The following GPAT3 variants were observed in gnomAD, a reference collection of about 807,000 sequenced individuals.
GPAT3 encodes the protein glycerol-3-phosphate acyltransferase 3, also known as 1-AGP acyltransferase 9.
GPAT3 carries 53 observed loss-of-function variants against 58.8 expected under a neutral mutation model. That is an observed-to-expected ratio of 0.90 (90% confidence interval 0.72 to 1.13). The LOEUF is 1.13. GPAT3 is among the 50% of genes most tolerant of loss of function. GPAT3 has a pLI of 0.00. For missense variants in GPAT3, 511 were observed against 527.6 expected, an observed-to-expected ratio of 0.97 and a Z score of 0.31; for synonymous variants, 197 against 187.4, an observed-to-expected ratio of 1.05 and a Z score of -0.42.
intron 1 of GPAT3, among the ~76,000 whole-genome samples, chr4:83,542,253 A>G (rs1011649545): frequency 1.3e-5 from 2 of 152,262 alleles, no homozygotes; most frequent in African/African-American, 4.8e-5. Context: ...TATTTTAATC[A>G]TATCTGGTTT....
At chr4:83,584,661 A>G (rs186639933) in intron 3 of GPAT3, among the ~76,000 whole-genome samples, 2 of 152,312 alleles carry the variant, frequency 1.3e-5, no homozygotes, top group Non-Finnish European at 2.9e-5. Context: ...ATGTGCCTCC[A>G]TGCCTGGCTA....
At chr4:83,570,810 A>T (rs1409202424) in intron 2 of GPAT3, among the ~76,000 whole-genome samples, 1 of 151,608 alleles carries the variant, frequency 6.6e-6, no homozygotes, top group Non-Finnish European at 1.5e-5. Flanking sequence ...TTTTCTGATT[A>T]AAAAAAAATT....
intron 2 of GPAT3, among the ~76,000 whole-genome samples, chr4:83,576,655 G>C (rs1389732583): frequency 6.6e-6 from 1 of 151,966 alleles, no homozygotes; most frequent in African/African-American, 2.4e-5. Flanking sequence ...TGTTGGCCAG[G>C]CTGGTCTCGA....
At chr4:83,577,495 T>A (rs1578184448) in intron 2 of GPAT3, among the ~76,000 whole-genome samples, 1 of 152,350 alleles carries the variant, frequency 6.6e-6, no homozygotes, top group South Asian at 2.1e-4. Flanking sequence ...TTACTACATA[T>A]TCTAAGTGGC....
intron 2 of GPAT3, among the ~76,000 whole-genome samples, chr4:83,574,581 T>G (rs1725716828): frequency 6.8e-6 from 1 of 147,076 alleles, no homozygotes; most frequent in Non-Finnish European, 1.5e-5. Flanking sequence ...GTTCAAACGT[T>G]TATGGCTTTA....
At chr4:83,596,737 T>C in intron 7 of GPAT3, 121 bp from the exon 8 acceptor site, 1 of 734,496 alleles carries the variant, frequency 1.4e-6, no homozygotes, top group Admixed American at 2.7e-5. Flanking sequence ...CTTTTACCTG[T>C]ATCTCAATTA....
intron 2 of GPAT3, among the ~76,000 whole-genome samples, chr4:83,553,538 T>C (rs1026601809): frequency 6.6e-6 from 1 of 152,174 alleles, no homozygotes; most frequent in Non-Finnish European, 1.5e-5. Context: ...CCTCAGCAGC[T>C]TGGAAGAGGG....
intron 3 of GPAT3, among the ~76,000 whole-genome samples, chr4:83,583,667 GAAAAAAAAAAAAAAAAAAAA>G (rs749976752): frequency 6.0e-3 from 142 of 23,480 alleles, no homozygotes; most frequent in Non-Finnish European, 8.5e-3. Context: ...ACTCTTGTCT[GAAAAAAAAAAAAAAAAAAAA>G]AAAAAAAAAA....
At chr4:83,556,445 T>C (rs1724943479) in intron 2 of GPAT3, among the ~76,000 whole-genome samples, 1 of 151,578 alleles carries the variant, frequency 6.6e-6, no homozygotes, top group Non-Finnish European at 1.5e-5. Context: ...TTGCAGTGAG[T>C]TGAGATTGCA....
At chr4:83,537,321 G>T (rs1360810628) in intron 1 of GPAT3, among the ~76,000 whole-genome samples, 3 of 152,104 alleles carry the variant, frequency 2.0e-5, no homozygotes, top group Non-Finnish European at 4.4e-5. Flanking sequence ...CATTGAAAAG[G>T]TATATATTCT....
intron 8 of GPAT3, 86 bp downstream of exon 8, chr4:83,596,999 C>A: frequency 2.5e-6 from 3 of 1,221,360 alleles, no homozygotes; most frequent in South Asian, 1.3e-5. Context: ...ATAGAATTGG[C>A]AACCTTAGCC....
intron 3 of GPAT3, among the ~76,000 whole-genome samples, chr4:83,584,809 T>C (rs1726317542): frequency 6.6e-6 from 1 of 152,202 alleles, no homozygotes; most frequent in Non-Finnish European, 1.5e-5. Context: ...TGAACTGAAT[T>C]ACACATTTTA....
intron 6 of GPAT3, among the ~76,000 whole-genome samples, chr4:83,591,393 G>A (rs190956256): frequency 3.3e-5 from 5 of 152,186 alleles, no homozygotes; most frequent in African/African-American, 9.6e-5. Context: ...ATTTTAACAC[G>A]TTATTAAATT....
chr4:83,537,591 A>ATG (rs113407081), intron 1 of GPAT3, among the ~76,000 whole-genome samples: 9,512 of 145,166 alleles, frequency 0.066, 326 homozygotes, highest in East Asian at 0.086. Flanking sequence ...TATGTATAAT[A>ATG]TGTGTGTGTG....
At chr4:83,585,433 AT>A (rs1726341663) in intron 3 of GPAT3, among the ~76,000 whole-genome samples, 1 of 151,336 alleles carries the variant, frequency 6.6e-6, no homozygotes. Flanking sequence ...TAATTTCAAA[AT>A]ACTGTATTTT....
chr4:83,595,713 TAAAA>T (rs113323142), intron 7 of GPAT3, among the ~76,000 whole-genome samples: 1 of 143,690 alleles, frequency 7.0e-6, no homozygotes, highest in Non-Finnish European at 1.5e-5. Flanking sequence ...GACCTTGTCT[TAAAA>T]AAAAAAAAGA....
chr4:83,575,796 T>A (rs1490383891), intron 2 of GPAT3, among the ~76,000 whole-genome samples: 1 of 152,368 alleles, frequency 6.6e-6, no homozygotes, highest in East Asian at 1.9e-4. Context: ...CCTGCTCTTT[T>A]ACAGTACAGA....
At chr4:83,602,399 C>T (rs183974332) in intron 11 of GPAT3, among the ~76,000 whole-genome samples, 2 of 152,132 alleles carry the variant, frequency 1.3e-5, no homozygotes, top group African/African-American at 4.8e-5. Context: ...TACCTAGCCT[C>T]TTAAAAAAAA....
Position 83,536,346 on chromosome 4 carries a change from C to G in GPAT3, c.-277C>G, listed in dbSNP as rs538521362. The G allele has an allele frequency of 5.9e-6, 7 of 1,176,490 alleles. No homozygotes were observed. Among genetic ancestry groups the G allele is most frequent in the Non-Finnish European group, 7.4e-6 (7 of 950,206 alleles). 72.9% of individuals were successfully genotyped at this position (1,176,490 alleles called of 1,614,324 possible). On this transcript the variant is annotated 5_prime_UTR_variant, in exon 1 of 12. Coordinates refer to ENST00000264409, the MANE Select transcript of GPAT3 (RefSeq NM_032717.5). ...ACCCGCAGCTCCGACCACTGGCTCG[C>G]GCTACCCAGGTCTCCGCACGCCGCG...
Sources: allele counts gnomAD v4.1 joint callset (sites outside exome capture counted in the v4.1 genomes callset), GRCh38; gene constraint gnomAD v4.1.1; transcripts MANE v1.5; gene names NCBI Gene and HGNC (gene_info 2026-07-23, HGNC 2026-07-21).